MCF2L2: variants seen among roughly 807,000 people sequenced by gnomAD.
MCF2L2 encodes the protein probable guanine nucleotide exchange factor MCF2L2.
In MCF2L2, 102 loss-of-function variants were observed where a neutral mutation model predicts 150.2. The ratio of observed to expected loss-of-function variants is 0.68; its 90% CI spans 0.58 to 0.80. The LOEUF (loss-of-function observed/expected upper bound fraction) is 0.80, where lower values mean the gene tolerates loss of function less well. Ranked by LOEUF, MCF2L2 falls within the 30% of genes least tolerant of loss-of-function variation. MCF2L2 has a pLI of 0.00. For synonymous variants in MCF2L2, 465 were observed against 491.3 expected, an observed-to-expected ratio of 0.95 and a Z score of 0.71; for missense variants, 1,256 against 1,372.8, an observed-to-expected ratio of 0.91 and a Z score of 1.34.
rs1716264928 is a variant in MCF2L2, at chr3:183,428,008, G to A, written c.-31C>T. The A allele has an allele frequency of 6.4e-7, 1 of 1,559,794 alleles. No homozygotes were observed. The highest frequency in any genetic ancestry group is 1.4e-5 in the African/African-American group (1 of 73,810). ...TGAAAAACCATTCCGTATAAATAAAGCCAAACAAAACTGTTTCTACCGCTG... is the reference window on the plus strand; with the variant it reads ...TGAAAAACCATTCCGTATAAATAAAACCAAACAAAACTGTTTCTACCGCTG... On this transcript the variant is annotated 5_prime_UTR_variant, in exon 1 of 30. Coordinates refer to ENST00000328913, the MANE Select transcript of MCF2L2 (RefSeq NM_015078.4). This position sits in a 1 kb window ranked among gnomAD's most constrained non-coding sequence, Gnocchi z 5.1.
Position 183,300,052 on chromosome 3 carries a change from A to AT in MCF2L2, c.1257dup (p.Trp420MetfsTer12), listed in dbSNP as rs1728757220. The AT allele has an allele frequency of 6.2e-7, 1 of 1,613,620 alleles. No homozygotes were observed. Among genetic ancestry groups the AT allele is most frequent in the Non-Finnish European group, 8.5e-7 (1 of 1,179,866 alleles). On this transcript the variant is annotated frameshift_variant, in exon 11 of 30. Transcript: ENST00000328913. LOFTEE classifies it high-confidence loss of function. ...TCTAAGGACTTTCCTAAAATGTCCC[A>AT]TTTTTTCTTGTTTCCATTGATGAAA...
chr3:183,410,541 G>A (rs1375500513), intron 1 of MCF2L2, among the ~76,000 whole-genome samples: 1 of 152,210 alleles, frequency 6.6e-6, no homozygotes, highest in Non-Finnish European at 1.5e-5. Flanking sequence ...TGGTCGTGGT[G>A]GGTGCTGTCT....
chr3:183,405,749 C>T (rs1325290341), intron 1 of MCF2L2, among the ~76,000 whole-genome samples: 1 of 152,212 alleles, frequency 6.6e-6, no homozygotes, highest in Non-Finnish European at 1.5e-5. Flanking sequence ...CAGGGTCTCA[C>T]TCTGTCGCCC....
chr3:183,318,276 T>C (rs181854808), intron 6 of MCF2L2, 59 bp from the exon 7 acceptor site: 58 of 1,575,660 alleles, frequency 3.7e-5, no homozygotes, highest in Middle Eastern at 3.3e-4. Context: ...ACATGCTGTC[T>C]TGATGGAAAG....
chr3:183,235,362 G>C (rs1479695953), intron 15 of MCF2L2, among the ~76,000 whole-genome samples: 2 of 74,316 alleles, frequency 2.7e-5, no homozygotes, highest in Non-Finnish European at 4.9e-5. Flanking sequence ...AGCACCTGTT[G>C]TTTCCTGACT....
intron 15 of MCF2L2, among the ~76,000 whole-genome samples, chr3:183,231,601 T>G (rs1305732184): frequency 6.6e-6 from 1 of 151,186 alleles, no homozygotes; most frequent in Non-Finnish European, 1.5e-5. Context: ...GCTACAGATA[T>G]GCACCATCAC....
At chr3:183,341,050 T>G (rs1386182395) in intron 4 of MCF2L2, among the ~76,000 whole-genome samples, 1 of 152,172 alleles carries the variant, frequency 6.6e-6, no homozygotes, top group African/African-American at 2.4e-5. Flanking sequence ...GGGGAAGTGA[T>G]TCCAGGAAGC....
chr3:183,215,906 C>G, intron 22 of MCF2L2, 63 bp downstream of exon 22: 1 of 1,520,008 alleles, frequency 6.6e-7, no homozygotes, highest in Non-Finnish European at 8.9e-7. Flanking sequence ...AGAGCATTTC[C>G]TCACTGTGTA....
At chr3:183,398,104 A>T (rs1190733697) in intron 1 of MCF2L2, among the ~76,000 whole-genome samples, 1 of 152,222 alleles carries the variant, frequency 6.6e-6, no homozygotes, top group Non-Finnish European at 1.5e-5. Flanking sequence ...CTAACTGCCC[A>T]TCAAAATGTC....
rs527411027 is a variant in MCF2L2 at position 183,381,300 on chromosome 3, G to A, written c.161-1889C>T. Among the ~76,000 whole-genome samples the A allele has an allele frequency of 3.3e-5, 5 of 152,300 alleles. No homozygotes were observed. The South Asian group carries it at 8.3e-4, about 25-fold the overall frequency. On this transcript the variant is annotated intron_variant, in intron 2 of 29. Coordinates refer to ENST00000328913, the MANE Select transcript of MCF2L2 (RefSeq NM_015078.4). ...TGTGGTCCACGAAGAAACTATAGAA[G>A]AGGAGGACTCAGAGGAGCAAAGGCG...
intron 1 of MCF2L2, among the ~76,000 whole-genome samples, chr3:183,417,252 G>T (rs77550608): frequency 0.05 from 7,592 of 151,906 alleles, 632 homozygotes; most frequent in African/African-American, 0.17. Flanking sequence ...GGTAAACACT[G>T]GGGGGTACTG....
chr3:183,266,203 A>G (rs1163565095), intron 15 of MCF2L2: 1 of 152,272 alleles, frequency 6.6e-6, no homozygotes, highest in Non-Finnish European at 1.5e-5. Context: ...GTGTGGGAGC[A>G]GTTGGACTTG....
At chr3:183,220,925 C>T (rs1723126494) in intron 20 of MCF2L2, among the ~76,000 whole-genome samples, 1 of 152,108 alleles carries the variant, frequency 6.6e-6, no homozygotes, top group South Asian at 2.1e-4. Flanking sequence ...TCACATTTTC[C>T]CCAATGTTTC....
intron 21 of MCF2L2, among the ~76,000 whole-genome samples, chr3:183,217,294 CAAAAAAAAAAAA>C (rs35973262): frequency 3.3e-4 from 5 of 15,182 alleles, no homozygotes; most frequent in South Asian, 7.4e-3. Context: ...AACCCCGTCT[CAAAAAAAAAAAA>C]AAAAAAAAAA....
At chr3:183,216,802 G>C (rs575549090) in intron 21 of MCF2L2, among the ~76,000 whole-genome samples, 1 of 149,604 alleles carries the variant, frequency 6.7e-6, no homozygotes, top group South Asian at 2.1e-4. Context: ...ACGGAGTTTC[G>C]CCATGTTGAC....
intron 1 of MCF2L2, among the ~76,000 whole-genome samples, chr3:183,391,549 T>C (rs970921061): frequency 1.9e-4 from 29 of 152,310 alleles, no homozygotes; most frequent in African/African-American, 6.7e-4. Context: ...TGAAATGATA[T>C]GAAGTCTGAG....
chr3:183,280,418 GTTTT>G (rs145769230), intron 14 of MCF2L2, among the ~76,000 whole-genome samples: 1 of 148,694 alleles, frequency 6.7e-6, no homozygotes. Flanking sequence ...TATTGAAATT[GTTTT>G]TTTTTTCTTC....
chr3:183,179,414 G>C lies in MCF2L2; in HGVS notation c.3311C>G (p.Ala1104Gly). ...AGATAGFQARALRPRTSAQES is the reference protein window; with the variant it reads ...AGATAGFQARGLRPRTSAQES ...CTGGGCGGAGGTCCTCGGGCGCAGC[G>C]CCCTCGCCTGGAAACCAGCCGTCGC... The change falls in exon 30 of 30, where the codon GCG (alanine) becomes GGG (glycine). Residue 1104 changes from alanine to glycine, a missense_variant. Ala to Gly is a moderately conservative substitution (Grantham distance 60, BLOSUM62 0). Transcript: ENST00000328913. The surrounding 1 kb of genome is among the most constrained non-coding windows in gnomAD (Gnocchi z 4.2). The C allele has an allele frequency of 6.4e-7, 1 of 1,565,164 alleles. No homozygotes were observed. Among genetic ancestry groups the C allele is most frequent in the Non-Finnish European group, 8.7e-7 (1 of 1,154,584 alleles).
At position 183,341,579 on chromosome 3, in the gene MCF2L2, G is replaced by T. The variant is rs201817406; in HGVS notation, c.327C>A (p.Asp109Glu). ...GFIVVIDRRR[D>E]KWSSVKASLT... ...AGGATGCCTTTACGGAGCTCCACTT[G>T]TCTCTTCGTCTGTCGATAACAACAA... Residue 109 changes from aspartate (D) to glutamate (E), a missense_variant, in exon 4 of 30, where the codon GAC (aspartate) becomes GAA (glutamate). Transcript: ENST00000328913. 11 of 1,614,012 alleles carry T rather than the reference G, an allele frequency of 6.8e-6. No homozygotes were observed. The highest frequency in any genetic ancestry group is 9.3e-6 in the Non-Finnish European group (11 of 1,179,894).
Sources: gnomAD v4.1 joint callset for allele counts (sites outside exome capture counted in the v4.1 genomes callset) on GRCh38, gnomAD v4.1.1 for gene constraint, Gnocchi (gnomAD v3.1) non-coding constraint, MANE v1.5 for transcripts, NCBI Gene and HGNC (gene_info 2026-07-23, HGNC 2026-07-21) for gene names.